The following COBL variants were observed in gnomAD, a reference collection of about 807,000 sequenced individuals.
COBL encodes the protein cordon-bleu WH2 repeat protein, also known as protein cordon-bleu.
COBL carries 51 observed loss-of-function variants against 98.8 expected under a neutral mutation model. The observed-to-expected ratio is 0.52, with a 90% CI of 0.41 to 0.65. The LOEUF (loss-of-function observed/expected upper bound fraction) is 0.65. Ranked by LOEUF, COBL falls within the 30% of genes least tolerant of loss-of-function variation. The probability of loss-of-function intolerance (pLI) is 0.00; values close to 1 mark genes in which losing one functional copy is unlikely to be tolerated. For synonymous variants in COBL, 634 were observed against 651.7 expected, an observed-to-expected ratio of 0.97 and a Z score of 0.41; for missense variants, 1,617 against 1,617.5, an observed-to-expected ratio of 1.00 and a Z score of 0.01.
chr7:51,126,269 A>AG (rs1392968219), intron 6 of COBL, among the ~76,000 whole-genome samples: 1 of 152,188 alleles, frequency 6.6e-6, no homozygotes, highest in Non-Finnish European at 1.5e-5. Flanking sequence ...TGGAGCTTGC[A>AG]GTGAGCCAGG....
intron 1 of COBL, among the ~76,000 whole-genome samples, chr7:51,267,586 T>A (rs2129158299): frequency 6.6e-6 from 1 of 152,276 alleles, no homozygotes; most frequent in Admixed American, 6.5e-5. Flanking sequence ...TTGTTGTTGT[T>A]GTTTTTGAGA....
chr7:51,278,659 C>T (rs1474667353), intron 1 of COBL, among the ~76,000 whole-genome samples: 4 of 152,184 alleles, frequency 2.6e-5, no homozygotes, highest in Admixed American at 6.5e-5. Flanking sequence ...GGATTACAGG[C>T]GTGAGCCACG....
At position 51,026,634 on chromosome 7, in the gene COBL, G is replaced by T. The variant is rs367822531; in HGVS notation, c.3416C>A (p.Ala1139Glu). The change falls in exon 11 of 13, where the codon GCG becomes GAG. Residue 1139 changes from alanine (A) to glutamate (E), a missense_variant. Physicochemically the swap from Ala to Glu is moderately radical, Grantham distance 107. Coordinates refer to ENST00000265136, the MANE Select transcript of COBL (RefSeq NM_015198.5). ...TAEHTGEGRP[A>E]KLSYTEAEGE... is the part of the protein sequence containing the mutation. ...CTCTGCCTCCGTGTAGGACAGTTTC[G>T]CTGGCCTGCCCTCCCCGGTGTGTTC... 1 of 1,614,020 alleles carries T rather than the reference G, an allele frequency of 6.2e-7. No individual in the cohort carries two copies. Among genetic ancestry groups the T allele is most frequent in the Non-Finnish European group, 8.5e-7 (1 of 1,180,006 alleles).
chr7:51,239,257 C>A (rs1795549653), intron 1 of COBL, among the ~76,000 whole-genome samples: 2 of 152,222 alleles, frequency 1.3e-5, no homozygotes, highest in South Asian at 4.2e-4. Flanking sequence ...AAATACAAGT[C>A]GTAAAGACCT....
chr7:51,046,553 T>G (rs1789721750), intron 7 of COBL, among the ~76,000 whole-genome samples: 1 of 152,214 alleles, frequency 6.6e-6, no homozygotes, highest in Non-Finnish European at 1.5e-5. Flanking sequence ...TTCCTTCAGC[T>G]GGTTCCGATG....
chr7:51,041,545 G>A (rs1051457038), intron 8 of COBL, among the ~76,000 whole-genome samples: 8 of 135,884 alleles, frequency 5.9e-5, no homozygotes, highest in East Asian at 4.6e-4. Context: ...ATGCAATGGC[G>A]CGATCTCGGT....
At chr7:51,089,489 T>C (rs554694499) in intron 6 of COBL, among the ~76,000 whole-genome samples, 3 of 149,690 alleles carry the variant, frequency 2.0e-5, no homozygotes, top group Non-Finnish European at 4.4e-5. Flanking sequence ...CACTCCAGCC[T>C]GGGCAACAGG....
chr7:51,168,213 C>A (rs555611127), intron 5 of COBL, among the ~76,000 whole-genome samples: 4 of 152,268 alleles, frequency 2.6e-5, no homozygotes, highest in Admixed American at 1.3e-4. Flanking sequence ...AACAACTCCA[C>A]AGGAAAAAGT....
intron 2 of COBL, among the ~76,000 whole-genome samples, chr7:51,208,762 C>G (rs1480386054): frequency 6.6e-6 from 1 of 152,008 alleles, no homozygotes; most frequent in African/African-American, 2.4e-5. Flanking sequence ...GTGACCTTAC[C>G]CCCAACCCTG....
chr7:51,152,726 T>C (rs1197661953), intron 5 of COBL, among the ~76,000 whole-genome samples: 2 of 152,352 alleles, frequency 1.3e-5, no homozygotes, highest in African/African-American at 2.4e-5. Flanking sequence ...TACAAGTTAA[T>C]TGACAATATA....
intron 7 of COBL, among the ~76,000 whole-genome samples, chr7:51,045,826 T>C (rs1009564444): frequency 2.0e-5 from 3 of 152,238 alleles, no homozygotes; most frequent in Non-Finnish European, 2.9e-5. Context: ...TGAGAGCCTG[T>C]GGTCTAAATT....
intron 1 of COBL, among the ~76,000 whole-genome samples, chr7:51,250,791 G>A (rs1796663972): frequency 6.6e-6 from 1 of 152,204 alleles, no homozygotes; most frequent in South Asian, 2.1e-4. Flanking sequence ...AGCTTGCTGA[G>A]TGACAATGGG....
At chr7:51,024,312 T>A (rs971209928) in intron 12 of COBL, among the ~76,000 whole-genome samples, 1 of 151,446 alleles carries the variant, frequency 6.6e-6, no homozygotes, top group Non-Finnish European at 1.5e-5. Context: ...CCGTCTCAGA[T>A]AAATAAATAA....
intron 1 of COBL, among the ~76,000 whole-genome samples, chr7:51,289,783 G>A (rs1406613714): frequency 1.3e-5 from 2 of 152,208 alleles, no homozygotes; most frequent in African/African-American, 4.8e-5. Flanking sequence ...TTGAGGAAAC[G>A]CAACTTGTCC....
At chr7:51,072,213 T>TC (rs1439857530) in intron 7 of COBL, 1 of 152,140 alleles carries the variant, frequency 6.6e-6, no homozygotes. Context: ...ATGACAAGCT[T>TC]CTCCAGTTCA....
chr7:51,215,501 T>C (rs1222026641), intron 2 of COBL, among the ~76,000 whole-genome samples: 1 of 152,226 alleles, frequency 6.6e-6, no homozygotes, highest in Admixed American at 6.5e-5. Context: ...TCATACCCAC[T>C]GAACATACCA....
intron 7 of COBL, among the ~76,000 whole-genome samples, chr7:51,044,274 C>T (rs1789483772): frequency 6.6e-6 from 1 of 152,110 alleles, no homozygotes; most frequent in Non-Finnish European, 1.5e-5. Flanking sequence ...AAATGTGATT[C>T]GCTGCAGGAG....
intron 4 of COBL, among the ~76,000 whole-genome samples, chr7:51,188,478 G>C (rs10241765): frequency 0.018 from 2,813 of 152,342 alleles, 79 homozygotes; most frequent in African/African-American, 0.064. Flanking sequence ...ATTTGGCAGG[G>C]ACGGTAATCA....
chr7:51,206,310 C>T (rs1391475027), intron 2 of COBL, among the ~76,000 whole-genome samples: 1 of 151,964 alleles, frequency 6.6e-6, no homozygotes, highest in Non-Finnish European at 1.5e-5. Flanking sequence ...TGGCCAACAA[C>T]ACAAAACCCT....
Sources: gnomAD v4.1 joint callset for allele counts (sites outside exome capture counted in the v4.1 genomes callset) on GRCh38, gnomAD v4.1.1 for gene constraint, MANE v1.5 for transcripts, NCBI Gene and HGNC (gene_info 2026-07-23, HGNC 2026-07-21) for gene names.